The following MAP7 variants were observed in gnomAD, a reference collection of about 807,000 sequenced individuals.
MAP7 encodes the protein ensconsin.
In MAP7, 52 loss-of-function variants were observed where a neutral mutation model predicts 94.8. That is an observed-to-expected ratio of 0.55 (90% CI 0.44 to 0.69). MAP7 has a LOEUF of 0.69. MAP7 is among the 30% of genes least tolerant of loss of function. MAP7 has a pLI of 0.00. For missense variants in MAP7, 940 were observed against 964.6 expected, an observed-to-expected ratio of 0.97 and a Z score of 0.34; for synonymous variants, 350 against 357.0, an observed-to-expected ratio of 0.98 and a Z score of 0.22.
chr6:136,455,615 C>T (rs1417301190), intron 1 of MAP7, among the ~76,000 whole-genome samples: 1 of 152,066 alleles, frequency 6.6e-6, no homozygotes, highest in East Asian at 1.9e-4. Context: ...CTGAGCACCA[C>T]AGGATTAAAG....
chr6:136,383,423 G>T (rs1465745968), intron 6 of MAP7, among the ~76,000 whole-genome samples: 1 of 152,220 alleles, frequency 6.6e-6, no homozygotes, highest in Non-Finnish European at 1.5e-5. Context: ...TTACTAAAAA[G>T]TTGAGAGAAG....
intron 1 of MAP7, among the ~76,000 whole-genome samples, chr6:136,436,483 G>A (rs1728635247): frequency 6.6e-6 from 1 of 151,842 alleles, no homozygotes; most frequent in Non-Finnish European, 1.5e-5. Context: ...GGGCTCAAGT[G>A]ATCCTTCTGC....
intron 2 of MAP7, chr6:136,420,413 C>A: frequency 1.9e-6 from 1 of 520,182 alleles, no homozygotes; most frequent in Admixed American, 3.4e-5. Flanking sequence ...GCTACCAGGT[C>A]CACTTCTGCC....
At chr6:136,537,845 T>C (rs902016629) in intron 1 of MAP7, among the ~76,000 whole-genome samples, 5 of 151,706 alleles carry the variant, frequency 3.3e-5, no homozygotes, top group Non-Finnish European at 5.9e-5. Flanking sequence ...TGGAGTGCAA[T>C]GGCACAATCT....
intron 8 of MAP7, among the ~76,000 whole-genome samples, chr6:136,370,741 T>G (rs970749596): frequency 6.6e-6 from 1 of 152,002 alleles, no homozygotes; most frequent in African/African-American, 2.4e-5. Context: ...AAACAGTGGC[T>G]GCCAGGGCCT....
intron 1 of MAP7, among the ~76,000 whole-genome samples, chr6:136,536,607 G>C (rs1828909538): frequency 6.6e-6 from 1 of 152,240 alleles, no homozygotes; most frequent in African/African-American, 2.4e-5. Flanking sequence ...TAAATTTCTT[G>C]CTGGAAATAG....
rs1644655062 is a variant in MAP7 at position 136,499,870 on chromosome 6, C to CCTAT, written c.67+50468_67+50471dup. ...AATGAGCTGGGCATGGTGGCACATGCCTATAGTCCTAGCTATTCAGGAGGC... is the reference window on the plus strand; with the variant it reads ...AATGAGCTGGGCATGGTGGCACATGCCTATCTATAGTCCTAGCTATTCAGGAGGC... On this transcript the variant is annotated intron_variant, in intron 1 of 17. Transcript: ENST00000354570. Among the ~76,000 whole-genome samples the CCTAT allele has an allele frequency of 2.0e-5, 3 of 152,130 alleles. No homozygotes were observed. The South Asian group carries it at 6.2e-4, about 32-fold the overall frequency.
intron 3 of MAP7, among the ~76,000 whole-genome samples, chr6:136,401,054 A>C (rs1336216916): frequency 6.6e-6 from 1 of 152,198 alleles, no homozygotes; most frequent in Non-Finnish European, 1.5e-5. Context: ...TTGTTGTATC[A>C]GAATGATCTC....
chr6:136,381,836 G>A (rs975418874), intron 6 of MAP7, among the ~76,000 whole-genome samples: 3 of 145,888 alleles, frequency 2.1e-5, no homozygotes, highest in African/African-American at 7.7e-5. Flanking sequence ...TAACGCTGAT[G>A]TCCTATGTCC....
At chr6:136,471,510 T>C (rs927791066) in intron 1 of MAP7, among the ~76,000 whole-genome samples, 5 of 152,172 alleles carry the variant, frequency 3.3e-5, no homozygotes, top group Non-Finnish European at 7.4e-5. Context: ...TTAGAGAGTC[T>C]CTAGAGGACA....
At position 136,398,316 on chromosome 6, in the gene MAP7, C is replaced by T. The variant is rs114243278; in HGVS notation, c.245-8799G>A. On this transcript the variant is annotated intron_variant, in intron 3 of 17. Transcript: ENST00000354570. ...AGTTACTATGGCACCAACTTCCTGA[C>T]AGGGCTGCTTTGTGGCTCACAGTAA... Among the ~76,000 whole-genome samples, 574 of 152,348 alleles carry T rather than the reference C, an allele frequency of 3.8e-3. 2 individuals carry two copies. Among genetic ancestry groups the T allele is most frequent in the African/African-American group, 0.013 (546 of 41,588 alleles).
intron 1 of MAP7, among the ~76,000 whole-genome samples, chr6:136,530,885 T>C (rs2129056228): frequency 6.9e-6 from 1 of 144,896 alleles, no homozygotes; most frequent in Non-Finnish European, 1.5e-5. Flanking sequence ...TGTGGTGCCT[T>C]TTACAACATT....
chr6:136,429,460 A>G (rs1166814086), intron 1 of MAP7, among the ~76,000 whole-genome samples: 1 of 152,266 alleles, frequency 6.6e-6, no homozygotes, highest in African/African-American at 2.4e-5. Context: ...TGGTAACATC[A>G]GACAAGCATC....
intron 1 of MAP7, among the ~76,000 whole-genome samples, chr6:136,428,451 T>C (rs1793904688): frequency 6.6e-6 from 1 of 151,836 alleles, no homozygotes; most frequent in Non-Finnish European, 1.5e-5. Context: ...ACCCAGGAAG[T>C]GGAGATTGCA....
intron 5 of MAP7, among the ~76,000 whole-genome samples, chr6:136,386,722 C>G (rs1427524788): frequency 6.6e-6 from 1 of 152,156 alleles, no homozygotes; most frequent in Non-Finnish European, 1.5e-5. Context: ...CATGAACAAC[C>G]AAGAAAACAG....
chr6:136,372,657 G>A (rs1486059389), intron 7 of MAP7, 32 bp from the exon 8 acceptor site: 1 of 1,614,096 alleles, frequency 6.2e-7, no homozygotes, highest in Admixed American at 1.7e-5. Flanking sequence ...TAACTAGGGT[G>A]CAGGTGATTG....
At chr6:136,377,580 G>A (rs1363035045) in intron 7 of MAP7, among the ~76,000 whole-genome samples, 175 bp downstream of exon 7, 1 of 152,210 alleles carries the variant, frequency 6.6e-6, no homozygotes, top group Non-Finnish European at 1.5e-5. Context: ...CAGATAAGAT[G>A]CTAAGGCAGA....
chr6:136,544,073 C>T (rs548913606), intron 1 of MAP7, among the ~76,000 whole-genome samples: 8 of 152,044 alleles, frequency 5.3e-5, no homozygotes, highest in Admixed American at 5.2e-4. Context: ...AGATGTATGC[C>T]ACGACACCTG....
intron 2 of MAP7, among the ~76,000 whole-genome samples, chr6:136,413,201 C>A (rs143564864): frequency 4.7e-3 from 709 of 151,584 alleles, no homozygotes; most frequent in East Asian, 0.011. Context: ...ATTTTTAGAA[C>A]CTTGCGTTAA....
Sources: gnomAD v4.1 joint callset for allele counts (sites outside exome capture counted in the v4.1 genomes callset) on GRCh38, gnomAD v4.1.1 for gene constraint, MANE v1.5 for transcripts, NCBI Gene and HGNC (gene_info 2026-07-23, HGNC 2026-07-21) for gene names.